Variants in PTPN22 observed in about 807,000 individuals in gnomAD.
PTPN22 encodes tyrosine-protein phosphatase non-receptor type 22.
PTPN22 carries 85 observed loss-of-function variants against 103.3 expected under a neutral mutation model. That is an observed-to-expected ratio of 0.82 (90% CI 0.69 to 0.99). The LOEUF is 0.99. Among genes scored for constraint, PTPN22 ranks in the 50% least tolerant of loss-of-function variants. The pLI is 0.00. For synonymous variants in PTPN22, 323 were observed against 310.2 expected, an observed-to-expected ratio of 1.04 and a Z score of -0.43; for missense variants, 865 against 936.9, an observed-to-expected ratio of 0.92 and a Z score of 1.00.
At chr1:113,835,536 T>A (rs1423166116) in intron 13 of PTPN22, among the ~76,000 whole-genome samples, 5 of 151,960 alleles carry the variant, frequency 3.3e-5, no homozygotes, top group African/African-American at 7.2e-5. Context: ...ATAATAATAA[T>A]AAATAAATAA....
At chr1:113,837,928 T>C in exon 13 of PTPN22, 2 of 1,614,138 alleles carry the variant, frequency 1.2e-6, no homozygotes, top group South Asian at 1.1e-5. Flanking sequence ...TGAAGAAACA[T>C]GCATTACTTT....
At chr1:113,850,944 C>T (rs1048258432) in intron 10 of PTPN22, among the ~76,000 whole-genome samples, 9 of 152,136 alleles carry the variant, frequency 5.9e-5, no homozygotes, top group African/African-American at 2.2e-4. Context: ...ATGAATGGGT[C>T]AATTCTAAAT....
At chr1:113,837,510 G>T in intron 13 of PTPN22, 80 bp downstream of exon 13, 4 of 981,170 alleles carry the variant, frequency 4.1e-6, no homozygotes, top group Non-Finnish European at 6.0e-6. Flanking sequence ...AGGAGAAGAG[G>T]GAAGAGGAGA....
intron 9 of PTPN22, among the ~76,000 whole-genome samples, chr1:113,853,351 T>C (rs1211759053): frequency 6.8e-6 from 1 of 147,568 alleles, no homozygotes; most frequent in Non-Finnish European, 1.5e-5. Flanking sequence ...TCTTTTTCTT[T>C]CTTTTTTTTT....
chr1:113,830,698 ATG>A (rs995632139), intron 16 of PTPN22, among the ~76,000 whole-genome samples: 19 of 152,288 alleles, frequency 1.2e-4, no homozygotes, highest in Admixed American at 9.8e-4. Context: ...TAGGTTTTAA[ATG>A]TGTGTTTGAA....
chr1:113,843,568 A>G (rs1229289395), intron 11 of PTPN22, among the ~76,000 whole-genome samples: 2 of 152,148 alleles, frequency 1.3e-5, no homozygotes, highest in Non-Finnish European at 2.9e-5. Context: ...ATGGATACAG[A>G]GGGTCTGTTT....
In PTPN22 at chr1:113,845,780, A is replaced by G. The variant is rs1664005987; in HGVS notation, c.915+2760T>C. 5.9e-5 allele frequency among the ~76,000 whole-genome samples: 9 copies of G among 152,292 alleles called. No homozygotes were observed. In the South Asian group the frequency reaches 1.9e-3, roughly 32 times the overall value. On this transcript the variant is annotated intron_variant, in intron 11 of 20. Coordinates refer to ENST00000359785, the Ensembl canonical transcript of PTPN22. ...CATCTGTTTCTCTCCTTTAAGTTCT[A>G]TGAGTTTTTCTTCACATATTTTGCA...
intron 16 of PTPN22, among the ~76,000 whole-genome samples, chr1:113,831,162 C>G (rs1031841629): frequency 2.6e-5 from 4 of 152,106 alleles, no homozygotes; most frequent in Non-Finnish European, 5.9e-5. Context: ...TTAATACTCC[C>G]CTAACAAAGA....
intron 4 of PTPN22, among the ~76,000 whole-genome samples, 196 bp downstream of exon 4, chr1:113,858,282 C>G (rs1217417): frequency 0.32 from 48,330 of 151,744 alleles, 9,326 homozygotes; most frequent in African/African-American, 0.54. Flanking sequence ...GGTCTAGAAC[C>G]CCTAGGCTCA....
intron 1 of PTPN22, among the ~76,000 whole-genome samples, chr1:113,860,907 C>T (rs748989047): frequency 3.9e-5 from 6 of 152,084 alleles, no homozygotes; most frequent in Non-Finnish European, 5.9e-5. Context: ...AAGCCCTTTG[C>T]GTAAGATATC....
chr1:113,819,480 C>T (rs36031974), intron 20 of PTPN22, 97 bp downstream of exon 20: 8 of 843,672 alleles, frequency 9.5e-6, no homozygotes, highest in Admixed American at 2.6e-5. Context: ...AGGACCTATA[C>T]ATGCAACCTA....
chr1:113,842,837 C>T (rs1003394135), intron 11 of PTPN22, among the ~76,000 whole-genome samples: 1 of 151,310 alleles, frequency 6.6e-6, no homozygotes. Flanking sequence ...CGCGGTGGCT[C>T]ACGCCTGTAA....
intron 1 of PTPN22, among the ~76,000 whole-genome samples, chr1:113,864,745 T>C (rs1010210774): frequency 2.6e-5 from 4 of 151,806 alleles, no homozygotes; most frequent in African/African-American, 7.3e-5. Context: ...ACCTTGTCTC[T>C]ACTAAAAACA....
At chr1:113,869,733 A>G (rs944597603) in intron 1 of PTPN22, among the ~76,000 whole-genome samples, 6 of 152,178 alleles carry the variant, frequency 3.9e-5, no homozygotes, top group African/African-American at 7.2e-5. Context: ...AAAATAAAAC[A>G]GAGGCCGGCA....
At chr1:113,814,694 T>C (rs1055634041) in exon 21 of PTPN22, 3 of 523,010 alleles carry the variant, frequency 5.7e-6, no homozygotes, top group Admixed American at 7.4e-5. Context: ...GACAAACTTT[T>C]ATTTGCAGTT....
At chr1:113,837,534 T>C (rs528180533) in intron 13 of PTPN22, 56 bp downstream of exon 13, 1 of 1,280,258 alleles carries the variant, frequency 7.8e-7, no homozygotes, top group Admixed American at 2.2e-5. Context: ...AACCAACTAT[T>C]CTATAGAAAC....
At chr1:113,815,030 T>C in intron 20 of PTPN22, 61 bp from the exon 21 acceptor site, 1 of 1,217,632 alleles carries the variant, frequency 8.2e-7, no homozygotes, top group Non-Finnish European at 1.2e-6. Context: ...AATGAATACT[T>C]GGATTTTAGA....
At chr1:113,829,974 C>T (rs1267612137) in exon 17 of PTPN22, 1 of 1,606,650 alleles carries the variant, frequency 6.2e-7, no homozygotes, top group Non-Finnish European at 8.5e-7. Flanking sequence ...GAAAGAAGGA[C>T]TCTAGAGTTC....
At chr1:113,840,716 C>G (rs1663473975) in intron 11 of PTPN22, among the ~76,000 whole-genome samples, 1 of 152,088 alleles carries the variant, frequency 6.6e-6, no homozygotes, top group Non-Finnish European at 1.5e-5. Context: ...GACACACTAC[C>G]TGATTTCAAA....
Sources: gnomAD v4.1 joint callset for allele counts (sites outside exome capture counted in the v4.1 genomes callset) on GRCh38, gnomAD v4.1.1 for gene constraint, MANE v1.5 for transcripts, NCBI Gene and HGNC (gene_info 2026-07-23, HGNC 2026-07-21) for gene names.